Variants in KDM1B observed in about 807,000 individuals in gnomAD.
KDM1B encodes the protein lysine-specific histone demethylase 2.
In KDM1B, 63 loss-of-function variants were observed where a neutral mutation model predicts 107.4. The ratio of observed to expected loss-of-function variants is 0.59; its 90% confidence interval spans 0.48 to 0.72. KDM1B has a LOEUF of 0.72. KDM1B is among the 30% of genes least tolerant of loss of function. The pLI is 0.00. For missense variants in KDM1B, 749 were observed against 1,020.8 expected, an observed-to-expected ratio of 0.73 and a Z score of 3.63; for synonymous variants, 363 against 363.9, an observed-to-expected ratio of 1.00 and a Z score of 0.03.
Position 18,197,416 on chromosome 6 carries a change from A to G in KDM1B, c.1147-171A>G, listed in dbSNP as rs1351697799. 6.6e-6 allele frequency among the ~76,000 whole-genome samples: 1 copy of G among 152,238 alleles called. No individual in the cohort carries two copies. The highest frequency in any genetic ancestry group is 1.5e-5 in the Non-Finnish European group (1 of 68,040). ...GCACTCTTTCCCCAGATTGTAGGGA[A>G]AAAGGGAAGGGAGTAATAAGACAAG... is the stretch of plus-strand genomic sequence containing the variant. On this transcript the variant is annotated intron_variant, in intron 11 of 21. Coordinates refer to ENST00000650836, the MANE Select transcript of KDM1B (RefSeq NM_001364614.2). This position sits in a 1 kb window ranked among gnomAD's most constrained non-coding sequence, Gnocchi z 4.5.
At chr6:18,165,949 T>C (rs182767896) in intron 5 of KDM1B, among the ~76,000 whole-genome samples, 107 of 152,268 alleles carry the variant, frequency 7.0e-4, no homozygotes, top group African/African-American at 2.3e-3. Flanking sequence ...TGATTCATGA[T>C]TGCAGCTGTG....
chr6:18,175,418 T>G (rs1785929927), intron 7 of KDM1B, among the ~76,000 whole-genome samples: 1 of 152,232 alleles, frequency 6.6e-6, no homozygotes, highest in Admixed American at 6.5e-5. Flanking sequence ...GAAGATTTTC[T>G]CCCACTCTCT....
intron 15 of KDM1B, 91 bp from the exon 16 acceptor site, chr6:18,207,307 G>C: frequency 6.9e-7 from 1 of 1,454,854 alleles, no homozygotes; most frequent in Non-Finnish European, 9.6e-7. Flanking sequence ...CTGCCTTGGT[G>C]GCTGTTCCCA....
In KDM1B at chr6:18,223,059, T is replaced by G. The variant is rs887807007; in HGVS notation, c.*1067T>G. On this transcript the variant is annotated 3_prime_UTR_variant, in exon 22 of 22. Coordinates refer to ENST00000650836, the MANE Select transcript of KDM1B (RefSeq NM_001364614.2). ...TAAAAACACTCATGACAGAAAACAG[T>G]TTAATAATATCTCATTCTAAAATAA... The G allele has an allele frequency of 6.6e-6, 1 of 152,450 alleles. No homozygotes were observed. The highest frequency in any genetic ancestry group is 2.4e-5 in the African/African-American group (1 of 41,394). 9.4% of individuals were successfully genotyped at this position (152,450 alleles called of 1,614,324 possible).
intron 12 of KDM1B, among the ~76,000 whole-genome samples, chr6:18,199,902 A>G (rs112390587): frequency 0.022 from 3,336 of 152,234 alleles, 123 homozygotes; most frequent in African/African-American, 0.077. Context: ...TTTTTGAGAC[A>G]AGGTCTCACT....
intron 10 of KDM1B, among the ~76,000 whole-genome samples, chr6:18,196,733 G>A (rs1787677309): frequency 6.6e-6 from 1 of 152,096 alleles, no homozygotes; most frequent in Non-Finnish European, 1.5e-5. Flanking sequence ...TATTTACATA[G>A]CATTTACATT....
In KDM1B at chr6:18,186,973, T is replaced by TGTGTGTACAC; in HGVS notation, c.574-819_574-818insGTGTGTACAC. 6.8e-6 allele frequency among the ~76,000 whole-genome samples: 1 copy of TGTGTGTACAC among 147,530 alleles called. No individual in the cohort carries two copies. Among genetic ancestry groups the TGTGTGTACAC allele is most frequent in the Admixed American group, 6.8e-5 (1 of 14,776 alleles). On this transcript the variant is annotated intron_variant, in intron 8 of 21. Coordinates refer to ENST00000650836, the MANE Select transcript of KDM1B (RefSeq NM_001364614.2). The surrounding 1 kb of genome is among the most constrained non-coding windows in gnomAD (Gnocchi z 5.6). ...CAGTATGTATATATGTGTGTGTGTG[T>TGTGTGTACAC]ACACACACACACACACACACACACA...
Position 18,185,795 on chromosome 6 carries a change from C to G in KDM1B, c.558C>G (p.Ser186=). The G allele has an allele frequency of 6.2e-7, 1 of 1,613,834 alleles. No individual in the cohort carries two copies. The highest frequency in any genetic ancestry group is 8.5e-7 in the Non-Finnish European group (1 of 1,179,852). ...AGCCTGAGACCTCAGATCATTGTTC[C>G]CTCCCAGAGGATCTAGTGAGTATTT... ...AIKPETSDHC[S]LPEDLRVLEV... The change falls in exon 8 of 22, where the codon TCC becomes TCG. Residue 186 remains serine (S), a synonymous_variant. Coordinates refer to ENST00000650836, the MANE Select transcript of KDM1B (RefSeq NM_001364614.2).
intron 14 of KDM1B, among the ~76,000 whole-genome samples, chr6:18,202,245 G>GC (rs1464610893): frequency 3.0e-5 from 4 of 132,738 alleles, no homozygotes; most frequent in African/African-American, 1.4e-4. Context: ...CAAAAAAAAA[G>GC]GGCGGGGGGC....
chr6:18,158,721 C>G (rs1784787579), intron 2 of KDM1B, among the ~76,000 whole-genome samples: 1 of 152,122 alleles, frequency 6.6e-6, no homozygotes, highest in African/African-American at 2.4e-5. Flanking sequence ...AAGCATTTTT[C>G]ATTCCTTAAT....
At chr6:18,169,012 T>C (rs1010072074) in intron 6 of KDM1B, among the ~76,000 whole-genome samples, 4 of 151,666 alleles carry the variant, frequency 2.6e-5, no homozygotes, top group Non-Finnish European at 5.9e-5. Context: ...GCTGGGATTA[T>C]AGGTGTGTGC....
intron 21 of KDM1B, among the ~76,000 whole-genome samples, chr6:18,220,727 C>T (rs900362569): frequency 1.3e-5 from 2 of 151,762 alleles, no homozygotes; most frequent in African/African-American, 2.4e-5. Flanking sequence ...GCTTAGATGG[C>T]TTCTTGCTTT....
chr6:18,159,362 T>C lies in KDM1B; in HGVS notation c.-13-521T>C, dbSNP rs552960433. ...GAGGAACATAGGCAAAACTAGGTGG[T>C]TTTCCTCATTGAATTTTATAAACAT... On this transcript the variant is annotated intron_variant, in intron 2 of 21. Coordinates refer to ENST00000650836, the MANE Select transcript of KDM1B (RefSeq NM_001364614.2). The surrounding 1 kb of genome is among the most constrained non-coding windows in gnomAD (Gnocchi z 4.5). Among the ~76,000 whole-genome samples, 1 of 152,312 alleles carries C rather than the reference T, an allele frequency of 6.6e-6. No individual in the cohort carries two copies. The highest frequency in any genetic ancestry group is 6.5e-5 in the Admixed American group (1 of 15,300).
At chr6:18,185,370 C>T (rs1360923535) in intron 7 of KDM1B, among the ~76,000 whole-genome samples, 1 of 151,770 alleles carries the variant, frequency 6.6e-6, no homozygotes, top group African/African-American at 2.4e-5. Context: ...AGCGCAGTCT[C>T]GGCTCACTGC....
chr6:18,216,610 C>T (rs1461506739), intron 20 of KDM1B, among the ~76,000 whole-genome samples: 3 of 152,164 alleles, frequency 2.0e-5, no homozygotes, highest in African/African-American at 7.2e-5. Flanking sequence ...CAACCAAGGT[C>T]TGAAAATATT....
rs192345702 is a variant in KDM1B, at chr6:18,184,526, C to T, written c.535-1246C>T. 2.2e-4 allele frequency among the ~76,000 whole-genome samples: 34 copies of T among 151,888 alleles called. No homozygotes were observed. In the East Asian group the frequency reaches 4.5e-3, roughly 20 times the overall value. On this transcript the variant is annotated intron_variant, in intron 7 of 21. Transcript: ENST00000650836. Reference sequence around the variant, plus strand: ...CTGACCTTAGGTGATCCACCCACCTCAGCCTCCCAAAGTGCTGGGATTACA... The same window carrying T: ...CTGACCTTAGGTGATCCACCCACCTTAGCCTCCCAAAGTGCTGGGATTACA...
At chr6:18,192,910 C>A (rs368806971) in intron 10 of KDM1B, among the ~76,000 whole-genome samples, 118 of 151,748 alleles carry the variant, frequency 7.8e-4, no homozygotes, top group African/African-American at 2.6e-3. Context: ...TTGTGTATAC[C>A]GGCTGGGCGC....
Position 18,207,505 on chromosome 6 carries a change from G to A in KDM1B, c.1767G>A (p.Gly589=). ...YSVIIEKLAE[G]LDIQLKSPVQ... is the part of the protein sequence containing the mutation. ...TGATAATTGAAAAACTGGCAGAAGGGCTTGACATTCAACTCAAATCTCCAG... is the reference window on the plus strand; with the variant it reads ...TGATAATTGAAAAACTGGCAGAAGGACTTGACATTCAACTCAAATCTCCAG... The change falls in exon 16 of 22, where the codon GGG becomes GGA. Residue 589 remains glycine, a synonymous_variant. Coordinates refer to ENST00000650836, the MANE Select transcript of KDM1B (RefSeq NM_001364614.2). 2.5e-6 allele frequency: 4 copies of A among 1,614,226 alleles called. No individual in the cohort carries two copies. The highest frequency in any genetic ancestry group is 3.4e-6 in the Non-Finnish European group (4 of 1,180,032).
At chr6:18,215,986 G>A (rs890308057) in intron 20 of KDM1B, among the ~76,000 whole-genome samples, 3 of 152,060 alleles carry the variant, frequency 2.0e-5, no homozygotes, top group Non-Finnish European at 4.4e-5. Context: ...ATATCTTTTT[G>A]AAATAAAGGA....
Sources: allele counts gnomAD v4.1 joint callset (sites outside exome capture counted in the v4.1 genomes callset), GRCh38; gene constraint gnomAD v4.1.1; non-coding constraint Gnocchi (gnomAD v3.1); transcripts MANE v1.5; gene names NCBI Gene and HGNC (gene_info 2026-07-23, HGNC 2026-07-21).